The following PSIP1 variants were observed in gnomAD, a reference collection of about 807,000 sequenced individuals.
The protein encoded by PSIP1 is PC4 and SRSF1 interacting protein 1.
PSIP1 carries 19 observed loss-of-function variants against 74.7 expected under a neutral mutation model. The ratio of observed to expected loss-of-function variants is 0.25; its 90% CI spans 0.18 to 0.37. The LOEUF is 0.37. Ranked by LOEUF, PSIP1 falls within the 10% of genes least tolerant of loss-of-function variation. The pLI, the probability that PSIP1 is intolerant of heterozygous loss-of-function variation, is 1.00. For missense variants in PSIP1, 601 were observed against 614.3 expected, an observed-to-expected ratio of 0.98 and a Z score of 0.23; for synonymous variants, 222 against 195.3, an observed-to-expected ratio of 1.14 and a Z score of -1.14.
intron 4 of PSIP1, among the ~76,000 whole-genome samples, chr9:15,488,812 GA>G (rs1244819306): frequency 6.6e-6 from 1 of 151,190 alleles, no homozygotes; most frequent in Non-Finnish European, 1.5e-5. Flanking sequence ...ACAAGGTCAG[GA>G]GATCGAGACC....
intron 6 of PSIP1, among the ~76,000 whole-genome samples, chr9:15,484,849 GTT>G (rs1238877633): frequency 6.6e-6 from 1 of 150,936 alleles, no homozygotes; most frequent in African/African-American, 2.4e-5. Flanking sequence ...GGAGGTGGAG[GTT>G]GCAGTGAGCC....
intron 8 of PSIP1, among the ~76,000 whole-genome samples, chr9:15,475,840 A>T (rs879682910): frequency 1.6e-4 from 24 of 152,182 alleles, no homozygotes; most frequent in Admixed American, 1.6e-3. Context: ...TTAGCAGGTA[A>T]GGGATATTAG....
chr9:15,499,109 A>G (rs938308388), intron 3 of PSIP1, among the ~76,000 whole-genome samples: 2 of 152,216 alleles, frequency 1.3e-5, no homozygotes, highest in African/African-American at 2.4e-5. Context: ...TGAAATTCAA[A>G]AAGACTGACT....
Position 15,465,557 on chromosome 9 carries a change from G to T in PSIP1, c.1556C>A (p.Thr519Asn). The change falls in exon 16 of 16, where the codon ACT becomes AAT. Residue 519 changes from threonine to asparagine, a missense_variant. By Grantham distance (65) the Thr-to-Asn change is moderately conservative (BLOSUM62 0). Transcript: ENST00000380733. Reference sequence around the variant, plus strand: ...TGTAGAATCCTTCAGAGATATTTCAGTCTCTCTCTCTTCACTGGATGGCCT... The same window carrying T: ...TGTAGAATCCTTCAGAGATATTTCATTCTCTCTCTCTTCACTGGATGGCCT... ...KKKPSSEERE[T>N]EISLKDSTLD... The T allele has an allele frequency of 6.3e-7, 1 of 1,585,786 alleles. No homozygotes were observed. The highest frequency in any genetic ancestry group is 8.6e-7 in the Non-Finnish European group (1 of 1,157,240).
rs747193716 is a variant in PSIP1, at chr9:15,468,637, T to C, written c.1413A>G (p.Glu471=). ...KKGPNKKLEK[E]QTGSKTLNGG... is the part of the protein sequence containing the mutation. ...TGGCTTTTTACCACATACCTGTTTGTTCCTTCTCTAGCTTTTTGTTTGGCC... is the reference window on the plus strand; with the variant it reads ...TGGCTTTTTACCACATACCTGTTTGCTCCTTCTCTAGCTTTTTGTTTGGCC... The change falls in exon 14 of 16, where the codon GAA becomes GAG. Residue 471 remains glutamate, a synonymous_variant. Transcript: ENST00000380733. The C allele has an allele frequency of 6.2e-7, 1 of 1,613,838 alleles. No homozygotes were observed. The highest frequency in any genetic ancestry group is 8.5e-7 in the Non-Finnish European group (1 of 1,179,842).
rs557661511 is a variant in PSIP1, at chr9:15,469,918, TAGAA to T, written c.1033+16_1033+19del. 412 of 1,591,396 alleles carry T rather than the reference TAGAA, an allele frequency of 2.6e-4. No individual in the cohort carries two copies. In the African/African-American group the frequency reaches 4.8e-3, roughly 19 times the overall value. On this transcript the variant is annotated intron_variant, in intron 11 of 15. Coordinates refer to ENST00000380733, the MANE Select transcript of PSIP1 (RefSeq NM_033222.5). ...TTTCCATGTATAATTTTATGTATCT[TAGAA>T]AGTGAAATAACTAACCTCGCTTCTT...
chr9:15,478,611 T>C, intron 7 of PSIP1, 59 bp from the exon 8 acceptor site: 1 of 1,140,430 alleles, frequency 8.8e-7, no homozygotes, highest in Non-Finnish European at 1.3e-6. Context: ...GATACAAATC[T>C]CAGATATAAA....
intron 4 of PSIP1, among the ~76,000 whole-genome samples, chr9:15,488,391 C>T (rs1356815877): frequency 6.6e-6 from 1 of 152,078 alleles, no homozygotes; most frequent in Non-Finnish European, 1.5e-5. Flanking sequence ...TGCTACCTCG[C>T]TTCTTTAGAT....
At chr9:15,480,848 G>A (rs1036961088) in intron 6 of PSIP1, among the ~76,000 whole-genome samples, 2 of 152,136 alleles carry the variant, frequency 1.3e-5, no homozygotes, top group African/African-American at 4.8e-5. Context: ...GGAACTCAGG[G>A]GGCAGAGGTT....
At chr9:15,510,055 G>C in intron 2 of PSIP1, 62 bp downstream of exon 2, 1 of 1,452,372 alleles carries the variant, frequency 6.9e-7, no homozygotes, top group Non-Finnish European at 9.5e-7. Flanking sequence ...GAGACACGGT[G>C]GGCAGCAGGC....
At chr9:15,485,377 A>G (rs747378837) in intron 6 of PSIP1, among the ~76,000 whole-genome samples, 3 of 152,286 alleles carry the variant, frequency 2.0e-5, no homozygotes, top group Non-Finnish European at 4.4e-5. Flanking sequence ...CATACTGCAC[A>G]ACAAATAAGC....
intron 2 of PSIP1, 48 bp downstream of exon 2, chr9:15,510,069 T>TG (rs1044392766): frequency 9.1e-6 from 14 of 1,542,152 alleles, no homozygotes; most frequent in Admixed American, 1.8e-5. Context: ...AGCAGGCCTC[T>TG]GGAGAGGAGG....
Position 15,471,548 on chromosome 9 carries a change from T to C in PSIP1, c.977+1084A>G, listed in dbSNP as rs186301310. On this transcript the variant is annotated intron_variant, in intron 10 of 15. Transcript: ENST00000380733. The stretch of plus-strand genomic sequence containing the variant: ...GTCCAACAGCTTTTCAGTGAAAAGA[T>C]AGAATAGAAAATGATAGGTGACAAA... 2,633 of 972,030 alleles carry C rather than the reference T, an allele frequency of 2.7e-3. 4 individuals carry two copies. Among genetic ancestry groups the C allele is most frequent in the Admixed American group, 7.1e-3 (116 of 16,242 alleles). 60.2% of individuals were successfully genotyped at this position (972,030 alleles called of 1,614,324 possible).
intron 3 of PSIP1, among the ~76,000 whole-genome samples, chr9:15,502,180 C>T (rs1186555238): frequency 6.6e-6 from 1 of 152,084 alleles, no homozygotes; most frequent in African/African-American, 2.4e-5. Flanking sequence ...AAACTGTCTT[C>T]CATTGCTGCT....
chr9:15,492,301 C>T (rs1029763052), intron 3 of PSIP1: 34 of 152,224 alleles, frequency 2.2e-4, no homozygotes, highest in African/African-American at 8.0e-4. Context: ...ACACCCATCC[C>T]AAATGGGAGA....
rs1468938638 is a variant in PSIP1 at position 15,473,917 on chromosome 9, AAAAAAAAAAC to A, written c.858+82_858+91del. The A allele has an allele frequency of 3.0e-3, 2,539 of 847,732 alleles. 9 individuals are homozygous for A. Among genetic ancestry groups the A allele is most frequent in the South Asian group, 0.028 (978 of 35,232 alleles). The allele number at this position is 847,732 out of a possible 1,614,324, so 52.5% of individuals were successfully genotyped here. On this transcript the variant is annotated intron_variant, in intron 9 of 15. Transcript: ENST00000380733. ...CTCCATCTCAAACAAAAAAAAAACA[AAAAAAAAAAC>A]AAAAAAAAAACAAAGAAAAAACAAA...
At chr9:15,489,219 G>A (rs905349869) in intron 4 of PSIP1, 2 of 152,136 alleles carry the variant, frequency 1.3e-5, no homozygotes, top group Non-Finnish European at 2.9e-5. Flanking sequence ...GGTGGCTGCT[G>A]ACACCAATAA....
In PSIP1 at chr9:15,464,378, G is replaced by A. The variant is rs2035465076; in HGVS notation, c.*1142C>T. 1 of 195,338 alleles carries A rather than the reference G, an allele frequency of 5.1e-6. No homozygotes were observed. 12.1% of individuals were successfully genotyped at this position (195,338 alleles called of 1,614,324 possible). A position where few individuals can be genotyped will look rare whatever the true frequency, so the allele number is the denominator to read the frequency against. On this transcript the variant is annotated 3_prime_UTR_variant, in exon 16 of 16. Transcript: ENST00000380733. The stretch of plus-strand genomic sequence containing the variant: ...TGAGAAGTATCCTACTTGCTGAGAA[G>A]TGCCAAATGACCCTAATATTCAAAA...
At chr9:15,494,007 A>G (rs1586838722) in intron 3 of PSIP1, among the ~76,000 whole-genome samples, 1 of 152,326 alleles carries the variant, frequency 6.6e-6, no homozygotes, top group East Asian at 1.9e-4. Flanking sequence ...TGTCAGTTCT[A>G]TAAAGCTAGA....
Sources: allele counts gnomAD v4.1 joint callset (sites outside exome capture counted in the v4.1 genomes callset), GRCh38; gene constraint gnomAD v4.1.1; transcripts MANE v1.5; gene names NCBI Gene and HGNC (gene_info 2026-07-23, HGNC 2026-07-21).